Variants in UBE2K observed in about 807,000 individuals in gnomAD.
UBE2K encodes the protein ubiquitin conjugating enzyme E2 K.
A neutral mutation model predicts 30.0 loss-of-function variants in UBE2K; 6 were observed. The ratio of observed to expected loss-of-function variants is 0.20; its 90% confidence interval spans 0.11 to 0.39. The LOEUF is 0.39. Among genes scored for constraint, UBE2K ranks in the 10% least tolerant of loss-of-function variants. The pLI is 1.00. For missense variants in UBE2K, 61 were observed against 241.6 expected, an observed-to-expected ratio of 0.25 and a Z score of 4.96; for synonymous variants, 86 against 83.7, an observed-to-expected ratio of 1.03 and a Z score of -0.15.
At chr4:39,727,192 T>C (rs1324600421) in intron 1 of UBE2K, among the ~76,000 whole-genome samples, 1 of 152,194 alleles carries the variant, frequency 6.6e-6, no homozygotes, top group Admixed American at 6.5e-5. Flanking sequence ...TCACAAGCAG[T>C]CTTAGAGTAC....
At chr4:39,719,956 A>G (rs1719330265) in intron 1 of UBE2K, among the ~76,000 whole-genome samples, 1 of 152,162 alleles carries the variant, frequency 6.6e-6, no homozygotes, top group Non-Finnish European at 1.5e-5. Context: ...TTAGGTGTTT[A>G]TATTGTTAGG....
rs918676232 is a variant in UBE2K, at chr4:39,779,169, ATGTCT to A, written c.*740_*744del. On this transcript the variant is annotated 3_prime_UTR_variant, in exon 7 of 7. Coordinates refer to ENST00000261427, the MANE Select transcript of UBE2K (RefSeq NM_005339.5). The stretch of plus-strand genomic sequence containing the variant: ...TTCATTTTTAGGTCGTAGGTTTGGA[ATGTCT>A]TGTCCCAGTTCTTCAAACACTCTTA... 2 of 151,700 alleles carry A rather than the reference ATGTCT, an allele frequency of 1.3e-5. No individual in the cohort carries two copies. The highest frequency in any genetic ancestry group is 4.8e-5 in the African/African-American group (2 of 41,316). 9.4% of individuals were successfully genotyped at this position (151,700 alleles called of 1,614,324 possible).
intron 5 of UBE2K, among the ~76,000 whole-genome samples, chr4:39,777,025 A>G (rs1183219545): frequency 6.6e-6 from 1 of 152,228 alleles, no homozygotes; most frequent in Non-Finnish European, 1.5e-5. Flanking sequence ...ATTAAAGTGA[A>G]TTGAATAGTT....
At chr4:39,702,442 C>T (rs528294771) in intron 1 of UBE2K, among the ~76,000 whole-genome samples, 5 of 151,488 alleles carry the variant, frequency 3.3e-5, no homozygotes, top group East Asian at 2.0e-4. Flanking sequence ...TAAGTAGAGG[C>T]GAGGTTTCTC....
At chr4:39,714,925 C>G (rs982888089) in intron 1 of UBE2K, among the ~76,000 whole-genome samples, 1 of 151,756 alleles carries the variant, frequency 6.6e-6, no homozygotes, top group Admixed American at 6.6e-5. Flanking sequence ...AATGATGACT[C>G]TCTGCAGCCC....
At chr4:39,768,828 G>A (rs1196620427) in intron 4 of UBE2K, among the ~76,000 whole-genome samples, 2 of 151,988 alleles carry the variant, frequency 1.3e-5, no homozygotes, top group Non-Finnish European at 2.9e-5. Flanking sequence ...CCGTTCTAAC[G>A]AGTGCTAGGT....
chr4:39,771,128 G>A (rs1027775467), intron 4 of UBE2K: 4 of 1,612,512 alleles, frequency 2.5e-6, no homozygotes, highest in African/African-American at 1.3e-5. Context: ...GTGGCTGTAA[G>A]ATAGTTGACG....
intron 4 of UBE2K, among the ~76,000 whole-genome samples, chr4:39,772,652 C>G: frequency 6.6e-6 from 1 of 151,710 alleles, no homozygotes; most frequent in Non-Finnish European, 1.5e-5. Flanking sequence ...TTTAATATGT[C>G]CACATATTTA....
rs544481260 is a variant in UBE2K, at chr4:39,782,749, T to G, written c.*4315T>G. The G allele has an allele frequency of 2.6e-5, 4 of 152,202 alleles. No individual in the cohort carries two copies. The highest frequency in any genetic ancestry group is 5.9e-5 in the Non-Finnish European group (4 of 68,030). The allele number at this position is 152,202 out of a possible 1,614,324, so 9.4% of individuals were successfully genotyped here. A position where few individuals can be genotyped will look rare whatever the true frequency, so the allele number is the denominator to read the frequency against. The stretch of plus-strand genomic sequence containing the variant: ...AGATGTTGAATTTTTCCCCCCTTAT[T>G]GGGAATTCTTAAAAATAAATGCATG... On this transcript the variant is annotated 3_prime_UTR_variant, in exon 7 of 7. Transcript: ENST00000261427.
Position 39,698,167 on chromosome 4 carries a change from C to G in UBE2K, c.-161C>G. On this transcript the variant is annotated 5_prime_UTR_variant, in exon 1 of 7. Coordinates refer to ENST00000261427, the MANE Select transcript of UBE2K (RefSeq NM_005339.5). Reference sequence around the variant, plus strand: ...TTGGTGGCCGGGCGCGGAGGTGATTCCACACTGAGGCGAGCGCGGCGGCCG... The same window carrying G: ...TTGGTGGCCGGGCGCGGAGGTGATTGCACACTGAGGCGAGCGCGGCGGCCG... The G allele has an allele frequency of 4.1e-6, 3 of 731,422 alleles. No individual in the cohort carries two copies. Among genetic ancestry groups the G allele is most frequent in the Non-Finnish European group, 7.2e-6 (3 of 415,102 alleles). The allele number at this position is 731,422 out of a possible 1,614,324, so 45.3% of individuals were successfully genotyped here.
intron 4 of UBE2K, among the ~76,000 whole-genome samples, chr4:39,763,963 C>T (rs1007462163): frequency 5.3e-5 from 8 of 152,144 alleles, no homozygotes; most frequent in Admixed American, 4.6e-4. Flanking sequence ...AACTCCTGGG[C>T]TCAAGCGATC....
intron 4 of UBE2K, among the ~76,000 whole-genome samples, chr4:39,765,150 G>T (rs1380758102): frequency 6.6e-6 from 1 of 152,168 alleles, no homozygotes; most frequent in Non-Finnish European, 1.5e-5. Flanking sequence ...CTCCCAAAGC[G>T]CTAGGATTAT....
intron 1 of UBE2K, among the ~76,000 whole-genome samples, chr4:39,732,742 C>G (rs542078922): frequency 1.3e-4 from 17 of 127,914 alleles, no homozygotes; most frequent in Non-Finnish European, 2.6e-4. Flanking sequence ...GTGGTGTGAT[C>G]TTGGTTCACT....
chr4:39,774,068 G>A (rs1416631563), intron 4 of UBE2K, among the ~76,000 whole-genome samples: 1 of 152,168 alleles, frequency 6.6e-6, no homozygotes, highest in Non-Finnish European at 1.5e-5. Flanking sequence ...AGGCCAAGGT[G>A]GATGGATCAC....
chr4:39,754,105 T>G (rs1011055400), intron 3 of UBE2K, among the ~76,000 whole-genome samples: 4 of 152,130 alleles, frequency 2.6e-5, no homozygotes, highest in African/African-American at 9.7e-5. Context: ...AGCATAGTGA[T>G]GCAAATCAGA....
At chr4:39,774,306 T>C (rs1158624835) in intron 4 of UBE2K, among the ~76,000 whole-genome samples, 1 of 143,752 alleles carries the variant, frequency 7.0e-6, no homozygotes, top group Non-Finnish European at 1.5e-5. Flanking sequence ...ACACTGTCAT[T>C]AAAAAAAAGA....
intron 1 of UBE2K, among the ~76,000 whole-genome samples, chr4:39,705,817 G>A (rs1375119534): frequency 6.6e-6 from 1 of 150,622 alleles, no homozygotes; most frequent in Non-Finnish European, 1.5e-5. Flanking sequence ...GAATGGCTGG[G>A]ATCCCGGGAT....
chr4:39,712,203 T>C, intron 1 of UBE2K, among the ~76,000 whole-genome samples: 1 of 122,016 alleles, frequency 8.2e-6, no homozygotes, highest in Non-Finnish European at 1.7e-5. Flanking sequence ...ACCTTTTTTT[T>C]TTTTTTTTTT....
At chr4:39,716,928 G>C (rs1186719510) in intron 1 of UBE2K, among the ~76,000 whole-genome samples, 5 of 150,794 alleles carry the variant, frequency 3.3e-5, no homozygotes, top group Admixed American at 1.3e-4. Flanking sequence ...AACCCGGGAG[G>C]CGGAGGTTGC....
Sources: allele counts gnomAD v4.1 joint callset (sites outside exome capture counted in the v4.1 genomes callset), GRCh38; gene constraint gnomAD v4.1.1; transcripts MANE v1.5; gene names NCBI Gene and HGNC (gene_info 2026-07-23, HGNC 2026-07-21).